REXO4: variants seen among roughly 807,000 people sequenced by gnomAD.
The protein encoded by REXO4 is RNA exonuclease 4, also known as REX4 homolog, 3'-5' exonuclease.
In REXO4, 29 loss-of-function variants were observed where a neutral mutation model predicts 39.9. The ratio of observed to expected loss-of-function variants is 0.73; its 90% confidence interval spans 0.54 to 0.99. REXO4 has a LOEUF of 0.99. REXO4 is among the 50% of genes least tolerant of loss of function. The pLI, the probability that REXO4 is intolerant of heterozygous loss-of-function variation, is 0.00. For missense variants in REXO4, 524 were observed against 546.5 expected, an observed-to-expected ratio of 0.96 and a Z score of 0.41; for synonymous variants, 184 against 206.2, an observed-to-expected ratio of 0.89 and a Z score of 0.92.
At chr9:133,412,732 ACGGCTAAGCATCCC>A in intron 3 of REXO4, 32 bp downstream of exon 3, 1 of 1,599,098 alleles carries the variant, frequency 6.3e-7, no homozygotes, top group Non-Finnish European at 8.5e-7. Context: ...CCCGCCCTCC[ACGGCTAAGCATCCC>A]CAGCAGACCC....
intron 3 of REXO4, 76 bp downstream of exon 3, chr9:133,412,702 A>T: frequency 6.4e-7 from 1 of 1,564,966 alleles, no homozygotes; most frequent in Non-Finnish European, 8.7e-7. Context: ...AGAGGAAAGC[A>T]TCCTCTTCCT....
intron 2 of REXO4, chr9:133,414,230 T>C (rs1426458054): frequency 5.5e-6 from 2 of 361,990 alleles, no homozygotes; most frequent in African/African-American, 4.2e-5. Flanking sequence ...CCACCACACC[T>C]GGCTCCATCA....
At chr9:133,410,705 G>A (rs1171864658) in intron 5 of REXO4, among the ~76,000 whole-genome samples, 4 of 152,204 alleles carry the variant, frequency 2.6e-5, no homozygotes, top group Non-Finnish European at 5.9e-5. Context: ...CCTTCCTCCA[G>A]GTAAAAGGGG....
At chr9:133,410,277 T>A (rs1010869261) in intron 5 of REXO4, among the ~76,000 whole-genome samples, 20 of 152,212 alleles carry the variant, frequency 1.3e-4, no homozygotes, top group Admixed American at 1.3e-3. Context: ...GTTCCCACTG[T>A]GTCCTTTAAA....
At chr9:133,413,414 T>C (rs1383104567) in intron 2 of REXO4, among the ~76,000 whole-genome samples, 1 of 152,026 alleles carries the variant, frequency 6.6e-6, no homozygotes, top group Non-Finnish European at 1.5e-5. Flanking sequence ...ATCTCTTTTC[T>C]TTTTAATTAG....
chr9:133,415,214 G>C (rs1363639995), intron 1 of REXO4, among the ~76,000 whole-genome samples: 1 of 152,090 alleles, frequency 6.6e-6, no homozygotes, highest in African/African-American at 2.4e-5. Flanking sequence ...GTGAAATGCT[G>C]TTTCTTTGCT....
intron 7 of REXO4, 152 bp from the exon 8 acceptor site, chr9:133,407,224 G>A (rs1031024826): frequency 8.1e-7 from 1 of 1,235,110 alleles, no homozygotes; most frequent in African/African-American, 1.5e-5. Flanking sequence ...GGACGGGGAG[G>A]GAGGACACAA....
chr9:133,409,859 G>A (rs934941655), intron 5 of REXO4, among the ~76,000 whole-genome samples: 1 of 152,170 alleles, frequency 6.6e-6, no homozygotes, highest in Non-Finnish European at 1.5e-5. Context: ...CACTGTGTCT[G>A]GTCCTTAGCA....
chr9:133,408,623 AT>A, intron 6 of REXO4, 144 bp downstream of exon 6: 1 of 635,544 alleles, frequency 1.6e-6, no homozygotes, highest in South Asian at 1.8e-5. Context: ...GCAGAACTCT[AT>A]TTTTAAACAT....
chr9:133,414,477 A>C (rs780478326), intron 2 of REXO4, 188 bp downstream of exon 2: 32 of 710,560 alleles, frequency 4.5e-5, no homozygotes, highest in Non-Finnish European at 7.6e-5. Flanking sequence ...CGCTCGGAAG[A>C]AGCAGGCCCT....
rs55756154 is a variant in REXO4, at chr9:133,417,471, C to A, written c.225+149G>T. ...CAAACAAGTTCGAGACCTCCCTCAA[C>A]AGGCCACCTTTCTTGTGAAAAGCTG... On this transcript the variant is annotated intron_variant, in intron 1 of 7. Transcript: ENST00000371942. 189 of 794,136 alleles carry A rather than the reference C, an allele frequency of 2.4e-4. No homozygotes were observed. In the African/African-American group the frequency reaches 3.1e-3, roughly 13 times the overall value. The allele number at this position is 794,136 out of a possible 1,614,324, so 49.2% of individuals were successfully genotyped here.
chr9:133,414,472 GGAA>G, intron 2 of REXO4, 190 bp downstream of exon 2: 1 of 707,894 alleles, frequency 1.4e-6, no homozygotes, highest in Non-Finnish European at 2.6e-6. Flanking sequence ...CTCAACGCTC[GGAA>G]GAAGCAGGCC....
At chr9:133,413,923 C>G (rs1391113993) in intron 2 of REXO4, among the ~76,000 whole-genome samples, 1 of 152,234 alleles carries the variant, frequency 6.6e-6, no homozygotes, top group Non-Finnish European at 1.5e-5. Context: ...CCCCAAATGG[C>G]TCATTCCTCA....
chr9:133,407,147 C>T, intron 7 of REXO4, 75 bp from the exon 8 acceptor site: 1 of 1,595,742 alleles, frequency 6.3e-7, no homozygotes, highest in East Asian at 2.2e-5. Context: ...ATGACTGAGC[C>T]CTCCCACTAG....
upstream of REXO4, chr9:133,418,065 G>A (rs1839787782): frequency 7.2e-6 from 4 of 556,052 alleles, no homozygotes; most frequent in Non-Finnish European, 1.3e-5. Context: ...ACAACCGGCT[G>A]GAAACCGGAT....
intron 3 of REXO4, 82 bp from the exon 4 acceptor site, chr9:133,412,574 T>G (rs1221937580): frequency 6.6e-7 from 1 of 1,508,992 alleles, no homozygotes; most frequent in African/African-American, 1.4e-5. Flanking sequence ...ATCCATGGAC[T>G]AAGTGTCAGC....
In REXO4 at chr9:133,407,726, G is replaced by A. The variant is rs985885037; in HGVS notation, c.1149+81C>T. Reference sequence around the variant, plus strand: ...GGTGCCCAAGCCCCACCTCCCCCATGTCTGTGTCAGGTGACTCATGTCTGG... The same window carrying A: ...GGTGCCCAAGCCCCACCTCCCCCATATCTGTGTCAGGTGACTCATGTCTGG... On this transcript the variant is annotated intron_variant, in intron 7 of 7. Coordinates refer to ENST00000371942, the MANE Select transcript of REXO4 (RefSeq NM_020385.4). 2.0e-5 allele frequency: 22 copies of A among 1,088,662 alleles called. 1 individual carries two copies. In the Admixed American group the frequency reaches 3.4e-4, roughly 17 times the overall value. The allele number at this position is 1,088,662 out of a possible 1,614,324, so 67.4% of individuals were successfully genotyped here.
chr9:133,412,735 G>A (rs1839289633), intron 3 of REXO4, 43 bp downstream of exon 3: 1 of 1,600,260 alleles, frequency 6.2e-7, no homozygotes, highest in African/African-American at 1.3e-5. Context: ...GCCCTCCACG[G>A]CTAAGCATCC....
chr9:133,414,578 C>A (rs782089798), intron 2 of REXO4, 87 bp downstream of exon 2: 12 of 1,136,030 alleles, frequency 1.1e-5, no homozygotes, highest in Admixed American at 1.7e-5. Flanking sequence ...GGAGAGACTG[C>A]GGTGAGGCCA....
Sources: allele counts gnomAD v4.1 joint callset (sites outside exome capture counted in the v4.1 genomes callset), GRCh38; gene constraint gnomAD v4.1.1; transcripts MANE v1.5; gene names NCBI Gene and HGNC (gene_info 2026-07-23, HGNC 2026-07-21).